CENPC: variants seen among roughly 807,000 people sequenced by gnomAD.
CENPC encodes centromere protein C.
CENPC carries 63 observed loss-of-function variants against 112.1 expected under a neutral mutation model. The ratio of observed to expected loss-of-function variants is 0.56; its 90% CI spans 0.46 to 0.69. The LOEUF is 0.69. Among genes scored for constraint, CENPC ranks in the 30% least tolerant of loss-of-function variants. The pLI, the probability that CENPC is intolerant of heterozygous loss-of-function variation, is 0.00. For synonymous variants in CENPC, 333 were observed against 367.6 expected, an observed-to-expected ratio of 0.91 and a Z score of 1.08; for missense variants, 1,000 against 1,103.8, an observed-to-expected ratio of 0.91 and a Z score of 1.33.
chr4:67,544,076 T>C (rs1726960919), intron 2 of CENPC, 73 bp downstream of exon 2: 1 of 790,402 alleles, frequency 1.3e-6, no homozygotes, highest in South Asian at 1.5e-5. Flanking sequence ...GTGATAGTTT[T>C]TCCTTTCTTC....
At chr4:67,505,054 A>G in intron 12 of CENPC, 151 bp downstream of exon 12, 1 of 615,804 alleles carries the variant, frequency 1.6e-6, no homozygotes, top group Non-Finnish European at 2.9e-6. Flanking sequence ...TCACTTAGGT[A>G]CAGGGTCTTA....
Position 67,514,661 on chromosome 4 carries a change from G to A in CENPC, c.857C>T (p.Ala286Val). The change falls in exon 8 of 19, where the codon GCT (alanine) becomes GTT (valine). Residue 286 changes from alanine (A) to valine (V), a missense_variant. By Grantham distance (64) the Ala-to-Val change is moderately conservative. Transcript: ENST00000273853. ...ATCGGGAGGACACGAATGAGGTGGA[G>A]CAGTTGCCGCATGCCTAACAATGGG... ...SSPIVRHAATAPPHSCPPDDT... is the reference protein window; with the variant it reads ...SSPIVRHAATVPPHSCPPDDT... 1 of 1,608,026 alleles carries A rather than the reference G, an allele frequency of 6.2e-7. No homozygotes were observed. Among genetic ancestry groups the A allele is most frequent in the Non-Finnish European group, 8.5e-7 (1 of 1,177,458 alleles).
intron 9 of CENPC, 102 bp from the exon 10 acceptor site, chr4:67,509,207 TACACACACACACACACACACACACACAC>T (rs36207189): frequency 1.9e-5 from 9 of 486,018 alleles, no homozygotes; most frequent in African/African-American, 1.2e-4. Flanking sequence ...CATATACACA[TACACACACACACACACACACACACACAC>T]ACACACACAC....
At chr4:67,544,593 T>C (rs1378148911) in intron 1 of CENPC, among the ~76,000 whole-genome samples, 1 of 152,088 alleles carries the variant, frequency 6.6e-6, no homozygotes, top group Admixed American at 6.5e-5. Flanking sequence ...GGAGATAAAT[T>C]AGAAAAGAAA....
chr4:67,544,222 G>C, intron 1 of CENPC, 27 bp from the exon 2 acceptor site: 1 of 1,417,066 alleles, frequency 7.1e-7, no homozygotes, highest in African/African-American at 1.4e-5. Context: ...TCATCAATTT[G>C]GTTTCTTTAA....
At chr4:67,506,390 T>C (rs1027756721) in intron 11 of CENPC, among the ~76,000 whole-genome samples, 1 of 152,186 alleles carries the variant, frequency 6.6e-6, no homozygotes, top group Admixed American at 6.5e-5. Flanking sequence ...ATATCCATCA[T>C]AGTCACACCT....
chr4:67,544,157 T>C lies in CENPC; in HGVS notation c.57A>G (p.Arg19=), dbSNP rs746422016. ...LKNGYRRRFC[R]PSRARDINTE... ...TTAAGTACGTAAATCACCTGGAAGG[T>C]CGACAAAATCTTCTTCTGTAGCCAT... Residue 19 remains arginine (R), a synonymous_variant, in exon 2 of 19, where the codon CGA becomes CGG. Transcript: ENST00000273853. The C allele has an allele frequency of 6.5e-7, 1 of 1,529,476 alleles. No individual in the cohort carries two copies. Among genetic ancestry groups the C allele is most frequent in the Non-Finnish European group, 9.1e-7 (1 of 1,104,706 alleles). The allele number at this position is 1,529,476 out of a possible 1,614,324, so 94.7% of individuals were successfully genotyped here. A position where few individuals can be genotyped will look rare whatever the true frequency, so the allele number is the denominator to read the frequency against.
Position 67,545,391 on chromosome 4 carries a change from G to A in CENPC, c.-36C>T. ...CGCTGAGCCAGCGCAACTGTCTGAG[G>A]TGGAAGCCCACACGGACCACAGCTC... On this transcript the variant is annotated 5_prime_UTR_variant, in exon 1 of 19. Transcript: ENST00000273853. 6.6e-7 allele frequency: 1 copy of A among 1,503,990 alleles called. No homozygotes were observed. Among genetic ancestry groups the A allele is most frequent in the Non-Finnish European group, 8.9e-7 (1 of 1,122,258 alleles). The allele number at this position is 1,503,990 out of a possible 1,614,324, so 93.2% of individuals were successfully genotyped here.
In CENPC at chr4:67,469,567, A is replaced by T; in HGVS notation, c.*3038T>A. Reference sequence around the variant, plus strand: ...ACCATGTTAGCCAGGCTGGTCTCGAACTCCTGACCTCATGATCCACCCGAC... The same window carrying T: ...ACCATGTTAGCCAGGCTGGTCTCGATCTCCTGACCTCATGATCCACCCGAC... On this transcript the variant is annotated 3_prime_UTR_variant, in exon 19 of 19. Coordinates refer to ENST00000273853, the MANE Select transcript of CENPC (RefSeq NM_001812.4). The T allele has an allele frequency of 6.6e-6, 1 of 152,234 alleles. No individual in the cohort carries two copies. Among genetic ancestry groups the T allele is most frequent in the Non-Finnish European group, 1.5e-5 (1 of 68,116 alleles). The allele number at this position is 152,234 out of a possible 1,614,324, so 9.4% of individuals were successfully genotyped here. A position where few individuals can be genotyped will look rare whatever the true frequency, so the allele number is the denominator to read the frequency against.
chr4:67,497,956 CA>C (rs1725486803), intron 12 of CENPC, among the ~76,000 whole-genome samples: 1 of 152,052 alleles, frequency 6.6e-6, no homozygotes, highest in African/African-American at 2.4e-5. Context: ...ATCAGCCAGG[CA>C]TAGTGGCTCA....
Position 67,509,313 on chromosome 4 carries a change from T to C in CENPC, c.1613-208A>G, listed in dbSNP as rs1430641369. ...CTTTAAACAATGTAGCTCTTCAGTT[T>C]ATAGATATATGAAACAGGCCCTTCA... On this transcript the variant is annotated intron_variant, in intron 9 of 18. Transcript: ENST00000273853. 4.6e-5 allele frequency among the ~76,000 whole-genome samples: 7 copies of C among 152,130 alleles called. No homozygotes were observed. In the East Asian group the frequency reaches 1.4e-3, roughly 29 times the overall value.
intron 15 of CENPC, 76 bp downstream of exon 15, chr4:67,492,793 T>C (rs765007121): frequency 7.1e-7 from 1 of 1,414,392 alleles, no homozygotes; most frequent in South Asian, 1.5e-5. Flanking sequence ...AATTTCATAT[T>C]TTGCAAAGAG....
chr4:67,528,648 G>C (rs547498267), intron 5 of CENPC, among the ~76,000 whole-genome samples: 3 of 152,144 alleles, frequency 2.0e-5, no homozygotes, highest in African/African-American at 7.2e-5. Context: ...TTATATAGCA[G>C]AACTTTGTTT....
intron 17 of CENPC, 21 bp from the exon 18 acceptor site, chr4:67,474,999 A>C: frequency 7.5e-7 from 1 of 1,337,326 alleles, no homozygotes; most frequent in East Asian, 2.5e-5. Flanking sequence ...AAAAATAAAA[A>C]TCTCATTCAA....
intron 1 of CENPC, among the ~76,000 whole-genome samples, chr4:67,545,063 A>G (rs1308608768): frequency 6.6e-6 from 1 of 152,178 alleles, no homozygotes; most frequent in Non-Finnish European, 1.5e-5. Flanking sequence ...AAAAACAAAA[A>G]AAAACCCAGC....
rs1725354330 is a variant in CENPC, at chr4:67,493,870, T to C, written c.2290+14A>G. 6.4e-7 allele frequency: 1 copy of C among 1,565,844 alleles called. No individual in the cohort carries two copies. The highest frequency in any genetic ancestry group is 8.8e-7 in the Non-Finnish European group (1 of 1,140,286). On this transcript the variant is annotated intron_variant, in intron 14 of 18. Coordinates refer to ENST00000273853, the MANE Select transcript of CENPC (RefSeq NM_001812.4). ...TTTTTTATTGACAGATATTATAACA[T>C]AAATAAGTTTTACCTGATGGCCTTC... is the stretch of plus-strand genomic sequence containing the variant.
chr4:67,478,319 T>TA (rs886195688), intron 17 of CENPC, among the ~76,000 whole-genome samples: 30 of 151,772 alleles, frequency 2.0e-4, no homozygotes, highest in Non-Finnish European at 2.4e-4. Flanking sequence ...GCAACCTATT[T>TA]AAAAAAAACC....
At chr4:67,530,734 T>C in intron 5 of CENPC, 81 bp downstream of exon 5, 1 of 616,676 alleles carries the variant, frequency 1.6e-6, no homozygotes, top group South Asian at 2.6e-5. Flanking sequence ...ACCTTCATAC[T>C]CAAAGCAACA....
intron 5 of CENPC, among the ~76,000 whole-genome samples, chr4:67,523,837 G>A (rs969692259): frequency 1.3e-5 from 2 of 152,036 alleles, no homozygotes; most frequent in African/African-American, 4.8e-5. Context: ...GGGCAGGAGA[G>A]CATCTTGTGG....
Sources: allele counts gnomAD v4.1 joint callset (sites outside exome capture counted in the v4.1 genomes callset), GRCh38; gene constraint gnomAD v4.1.1; transcripts MANE v1.5; gene names NCBI Gene and HGNC (gene_info 2026-07-23, HGNC 2026-07-21).